The following ALDH1L2 variants were observed in gnomAD, a reference collection of about 807,000 sequenced individuals.
ALDH1L2 encodes mitochondrial 10-formyltetrahydrofolate dehydrogenase.
A neutral mutation model predicts 111.0 loss-of-function variants in ALDH1L2; 91 were observed. The ratio of observed to expected loss-of-function variants is 0.82; its 90% CI spans 0.69 to 0.98. The LOEUF is 0.98. ALDH1L2 is among the 50% of genes least tolerant of loss of function. The pLI, the probability that ALDH1L2 is intolerant of heterozygous loss-of-function variation, is 0.00. For synonymous variants in ALDH1L2, 374 were observed against 392.6 expected (o/e 0.95, Z 0.56); for missense variants, 995 against 1,126.8 (o/e 0.88, Z 1.67).
intron 10 of ALDH1L2, among the ~76,000 whole-genome samples, chr12:105,055,593 A>G (rs964201115): frequency 6.6e-6 from 1 of 152,232 alleles, no homozygotes; most frequent in Non-Finnish European, 1.5e-5. Flanking sequence ...AACCATCCCT[A>G]GAGAAGCCTA....
chr12:105,068,816 C>T lies in ALDH1L2; in HGVS notation c.497G>A (p.Gly166Glu), dbSNP rs754414990. 6.2e-7 allele frequency: 1 copy of T among 1,609,064 alleles called. No individual in the cohort carries two copies. Among genetic ancestry groups the T allele is most frequent in the East Asian group, 2.2e-5 (1 of 44,604 alleles). The change falls in exon 4 of 23, where the codon GGA (glycine) becomes GAA (glutamate). Residue 166 changes from glycine (G) to glutamate (E), a missense_variant. Gly to Glu is a moderately conservative substitution (Grantham distance 98). Transcript: ENST00000258494. ...ACATGATCTCTGAAGAAGGATGGGTCCTGTATCCAAGCCATCATCAGCCCA... is the reference window on the plus strand; with the variant it reads ...ACATGATCTCTGAAGAAGGATGGGTTCTGTATCCAAGCCATCATCAGCCCA... The part of the protein sequence containing the change: ...VFWADDGLDT[G>E]PILLQRSCDV...
At chr12:105,075,342 T>C (rs1877986418) in intron 1 of ALDH1L2, among the ~76,000 whole-genome samples, 1 of 152,162 alleles carries the variant, frequency 6.6e-6, no homozygotes, top group African/African-American at 2.4e-5. Context: ...CCCAGCACTT[T>C]GGGAGGCTGA....
At chr12:105,058,344 G>T in intron 9 of ALDH1L2, 124 bp from the exon 10 acceptor site, 1 of 942,078 alleles carries the variant, frequency 1.1e-6, no homozygotes, top group Non-Finnish European at 1.5e-6. Flanking sequence ...TATATCCTAT[G>T]AGATCTTCTG....
intron 18 of ALDH1L2, among the ~76,000 whole-genome samples, chr12:105,037,522 A>T (rs2136057392): frequency 6.6e-6 from 1 of 152,114 alleles, no homozygotes; most frequent in South Asian, 2.1e-4. Flanking sequence ...GAGAAGCTAG[A>T]AGCCCTAATA....
At chr12:105,065,087 G>A (rs1055831540) in intron 6 of ALDH1L2, among the ~76,000 whole-genome samples, 180 bp downstream of exon 6, 6 of 152,070 alleles carry the variant, frequency 3.9e-5, no homozygotes, top group Non-Finnish European at 8.8e-5. Flanking sequence ...TAGATCAGGC[G>A]CTGGATTTAG....
At chr12:105,055,216 A>G (rs1051998502) in intron 10 of ALDH1L2, among the ~76,000 whole-genome samples, 3 of 152,178 alleles carry the variant, frequency 2.0e-5, no homozygotes. Context: ...CACTGAAGGT[A>G]TATCCCAGCA....
chr12:105,052,913 C>A lies in ALDH1L2; in HGVS notation c.1306G>T (p.Glu436Ter). ...VVDYISKEVN[E>*]IMVKMPYQCF... ...TGGTATGGCATTTTTACCATGATTTCATTGACCTCCTTTGAAATCTGAGAG... is the reference window on the plus strand; with the variant it reads ...TGGTATGGCATTTTTACCATGATTTAATTGACCTCCTTTGAAATCTGAGAG... Residue 436 changes from glutamate (E) to a stop codon, truncating the protein, a stop_gained, in exon 11 of 23, where the codon GAA (glutamate) becomes TAA (stop). Transcript: ENST00000258494. LOFTEE classifies it high-confidence loss of function. 6.2e-7 allele frequency: 1 copy of A among 1,613,794 alleles called. No homozygotes were observed. The highest frequency in any genetic ancestry group is 8.5e-7 in the Non-Finnish European group (1 of 1,179,694).
At chr12:105,061,476 A>G in intron 8 of ALDH1L2, 151 bp downstream of exon 8, 1 of 1,185,518 alleles carries the variant, frequency 8.4e-7, no homozygotes. Context: ...GTTTAAGCAT[A>G]TGAATTTGGA....
At chr12:105,035,096 G>A (rs1357268817) in intron 18 of ALDH1L2, among the ~76,000 whole-genome samples, 1 of 152,090 alleles carries the variant, frequency 6.6e-6, no homozygotes, top group African/African-American at 2.4e-5. Context: ...CTACAGGTGT[G>A]CACCACCTTA....
intron 15 of ALDH1L2, among the ~76,000 whole-genome samples, chr12:105,045,914 C>T (rs1875817519): frequency 6.6e-6 from 1 of 151,856 alleles, no homozygotes; most frequent in Non-Finnish European, 1.5e-5. Flanking sequence ...TAACAGAAAC[C>T]CAAGTAAGAA....
intron 17 of ALDH1L2, 58 bp from the exon 18 acceptor site, chr12:105,038,260 TCACACACACACACACACAAACACACA>T (rs1875289032): frequency 1.0e-5 from 6 of 584,178 alleles, no homozygotes; most frequent in African/African-American, 5.4e-5. Context: ...TCTCTCTCTC[TCACACACACACACACACAAACACACA>T]CACACACACA....
chr12:105,028,104 GGTTGTT>G (rs893962369), intron 21 of ALDH1L2, among the ~76,000 whole-genome samples: 1 of 152,024 alleles, frequency 6.6e-6, no homozygotes, highest in Non-Finnish European at 1.5e-5. Context: ...ATACAAGCCA[GGTTGTT>G]GTTGTTGTTT....
intron 2 of ALDH1L2, among the ~76,000 whole-genome samples, chr12:105,071,147 A>G (rs1195750261): frequency 6.6e-6 from 1 of 152,236 alleles, no homozygotes; most frequent in Non-Finnish European, 1.5e-5. Context: ...GCATGTGCCA[A>G]TACTTCACCC....
chr12:105,050,640 A>G (rs1056588151), intron 12 of ALDH1L2: 3 of 452,152 alleles, frequency 6.6e-6, no homozygotes, highest in Non-Finnish European at 1.3e-5. Context: ...GCCACTCTAG[A>G]GTCCAGCTTG....
rs186380177 is a variant in ALDH1L2, at chr12:105,024,191, G to T, written c.*233C>A. The T allele has an allele frequency of 3.5e-5, 20 of 572,956 alleles. No homozygotes were observed. In the South Asian group the frequency reaches 4.5e-4, roughly 13 times the overall value. The allele number at this position is 572,956 out of a possible 1,614,324, so 35.5% of individuals were successfully genotyped here. A position where few individuals can be genotyped will look rare whatever the true frequency, so the allele number is the denominator to read the frequency against. On this transcript the variant is annotated 3_prime_UTR_variant, in exon 23 of 23. Coordinates refer to ENST00000258494, the MANE Select transcript of ALDH1L2 (RefSeq NM_001034173.4). Reference sequence around the variant, plus strand: ...AAACAGCTTGGTATTTTAGAAATACGTATGATATACAACATAGTCAAAATG... The same window carrying T: ...AAACAGCTTGGTATTTTAGAAATACTTATGATATACAACATAGTCAAAATG...
chr12:105,036,054 T>C (rs1875004708), intron 18 of ALDH1L2, among the ~76,000 whole-genome samples: 1 of 68,584 alleles, frequency 1.5e-5, no homozygotes, highest in Admixed American at 2.1e-4. Flanking sequence ...TGTGTATATA[T>C]ATTATATATA....
chr12:105,070,086 A>G (rs1877589019), intron 3 of ALDH1L2, among the ~76,000 whole-genome samples: 1 of 152,224 alleles, frequency 6.6e-6, no homozygotes, highest in African/African-American at 2.4e-5. Context: ...CCTCTAGGGG[A>G]TTATGATACT....
At chr12:105,031,734 G>T (rs763697626) in intron 20 of ALDH1L2, 35 bp downstream of exon 20, 12 of 1,598,674 alleles carry the variant, frequency 7.5e-6, no homozygotes, top group Admixed American at 1.7e-5. Context: ...TGAAGAAGGC[G>T]GGCACCCGGT....
At chr12:105,038,461 G>A (rs1310089106) in intron 17 of ALDH1L2, among the ~76,000 whole-genome samples, 2 of 152,116 alleles carry the variant, frequency 1.3e-5, no homozygotes, top group Admixed American at 1.3e-4. Flanking sequence ...AAGGCCGGAA[G>A]TGTGAGACCA....
Sources: gnomAD v4.1 joint callset for allele counts (sites outside exome capture counted in the v4.1 genomes callset) on GRCh38, gnomAD v4.1.1 for gene constraint, MANE v1.5 for transcripts, NCBI Gene and HGNC (gene_info 2026-07-23, HGNC 2026-07-21) for gene names.